The following SNTG1 variants were observed in gnomAD, a reference collection of about 807,000 sequenced individuals.
SNTG1 encodes the protein syntrophin gamma 1, also known as gamma-1-syntrophin.
Under a neutral mutation model 74.7 loss-of-function variants are expected in SNTG1, and 39 were observed. That is an observed-to-expected ratio of 0.52 (90% CI 0.40 to 0.68). The LOEUF (loss-of-function observed/expected upper bound fraction) is 0.68, where lower values mean the gene tolerates loss of function less well. Ranked by LOEUF, SNTG1 falls within the 30% of genes least tolerant of loss-of-function variation. The pLI is 0.00. For synonymous variants in SNTG1, 254 were observed against 217.1 expected (o/e 1.17, Z -1.49); for missense variants, 685 against 609.5 (o/e 1.12, Z -1.30).
intron 17 of SNTG1, among the ~76,000 whole-genome samples, chr8:50,728,198 G>T (rs141679917): frequency 6.6e-6 from 1 of 152,224 alleles, no homozygotes; most frequent in South Asian, 2.1e-4. Context: ...CACCTTGGGG[G>T]TGGTGTCCCC....
chr8:50,789,995 A>G (rs1035046743), intron 18 of SNTG1, among the ~76,000 whole-genome samples: 2 of 151,972 alleles, frequency 1.3e-5, no homozygotes, highest in Non-Finnish European at 2.9e-5. Context: ...CTTTAAAATT[A>G]TAATTCTTGT....
intron 1 of SNTG1, among the ~76,000 whole-genome samples, chr8:50,002,072 T>G (rs17685307): frequency 0.11 from 16,736 of 152,182 alleles, 1,107 homozygotes; most frequent in South Asian, 0.21. Flanking sequence ...CCACCAACAC[T>G]AGACATATTT....
intron 8 of SNTG1, among the ~76,000 whole-genome samples, chr8:50,493,455 T>C (rs2093876249): frequency 6.6e-6 from 1 of 152,146 alleles, no homozygotes; most frequent in Non-Finnish European, 1.5e-5. Context: ...CTATTTTCTT[T>C]TAAGGAGTAC....
chr8:50,050,047 G>C (rs530663575), intron 1 of SNTG1, among the ~76,000 whole-genome samples: 1 of 151,352 alleles, frequency 6.6e-6, no homozygotes, highest in South Asian at 2.1e-4. Context: ...CTTAGGAAAC[G>C]AGAAAAATAA....
chr8:50,496,727 A>G (rs528830614), intron 8 of SNTG1, among the ~76,000 whole-genome samples: 31 of 152,204 alleles, frequency 2.0e-4, no homozygotes, highest in African/African-American at 7.5e-4. Context: ...CCATTTATCA[A>G]CCCTCTTGCT....
intron 1 of SNTG1, among the ~76,000 whole-genome samples, chr8:50,166,071 T>A (rs1462947585): frequency 8.8e-6 from 1 of 114,106 alleles, no homozygotes; most frequent in East Asian, 2.5e-4. Context: ...TAGCCATATG[T>A]AGAAAGCTGA....
chr8:50,695,177 TA>T (rs577972438), intron 15 of SNTG1, among the ~76,000 whole-genome samples: 3 of 149,996 alleles, frequency 2.0e-5, no homozygotes, highest in Non-Finnish European at 4.5e-5. Flanking sequence ...ATCTTATATG[TA>T]AAAAAAAACC....
intron 2 of SNTG1, among the ~76,000 whole-genome samples, chr8:50,189,983 A>G (rs560317161): frequency 6.6e-6 from 1 of 152,134 alleles, no homozygotes; most frequent in Non-Finnish European, 1.5e-5. Flanking sequence ...ATGGGAAGAC[A>G]ATTGCTTGTG....
At chr8:50,689,032 A>T (rs1206529706) in intron 15 of SNTG1, among the ~76,000 whole-genome samples, 2 of 149,942 alleles carry the variant, frequency 1.3e-5, no homozygotes, top group Non-Finnish European at 3.0e-5. Context: ...GTGAATGGGA[A>T]TTCACTTATG....
chr8:50,311,032 C>T (rs1397963755), intron 2 of SNTG1, among the ~76,000 whole-genome samples: 1 of 152,194 alleles, frequency 6.6e-6, no homozygotes. Context: ...AAAATTAGGT[C>T]CTGACTTCTG....
chr8:50,222,948 G>A (rs192262672), intron 2 of SNTG1, among the ~76,000 whole-genome samples: 114 of 151,984 alleles, frequency 7.5e-4, no homozygotes, highest in African/African-American at 2.2e-3. Flanking sequence ...TAGGAGAAGG[G>A]GCAAGAAAAC....
At chr8:50,330,867 A>C (rs2090937346) in intron 2 of SNTG1, among the ~76,000 whole-genome samples, 2 of 152,152 alleles carry the variant, frequency 1.3e-5, no homozygotes, top group African/African-American at 4.8e-5. Context: ...CAAGAACAGA[A>C]TAGGAAAAAC....
intron 18 of SNTG1, among the ~76,000 whole-genome samples, chr8:50,755,937 T>G (rs1382685909): frequency 1.3e-5 from 2 of 151,788 alleles, no homozygotes; most frequent in East Asian, 3.9e-4. Context: ...TCTGGCCCAT[T>G]TTTAATATTT....
At chr8:50,548,776 A>C (rs1329910676) in intron 11 of SNTG1, among the ~76,000 whole-genome samples, 1 of 152,200 alleles carries the variant, frequency 6.6e-6, no homozygotes, top group Admixed American at 6.6e-5. Context: ...CATGGAATAG[A>C]TGGCACCTGA....
At chr8:50,203,215 G>A (rs1295760978) in intron 2 of SNTG1, among the ~76,000 whole-genome samples, 2 of 152,112 alleles carry the variant, frequency 1.3e-5, no homozygotes, top group African/African-American at 4.8e-5. Context: ...CTGTTTCAGA[G>A]TTTTTCAGTT....
intron 2 of SNTG1, among the ~76,000 whole-genome samples, chr8:50,376,750 T>TAGAGAGAGAGAGAGAGAG (rs1347321799): frequency 1.9e-5 from 2 of 102,780 alleles, no homozygotes; most frequent in Non-Finnish European, 2.2e-5. Context: ...TATATATATA[T>TAGAGAGAGAGAGAGAGAG]ATATATAGAG....
At chr8:50,366,723 G>T (rs1233288548) in intron 2 of SNTG1, among the ~76,000 whole-genome samples, 1 of 143,458 alleles carries the variant, frequency 7.0e-6, no homozygotes, top group East Asian at 2.0e-4. Context: ...CTTACTATTT[G>T]CATATATATG....
intron 1 of SNTG1, among the ~76,000 whole-genome samples, chr8:50,015,285 T>C (rs1202484772): frequency 6.6e-6 from 1 of 151,834 alleles, no homozygotes; most frequent in African/African-American, 2.4e-5. Context: ...AACAACAGAT[T>C]TGAATAGGAG....
chr8:50,455,345 G>A (rs547954566), intron 8 of SNTG1, among the ~76,000 whole-genome samples: 34 of 152,196 alleles, frequency 2.2e-4, no homozygotes, highest in African/African-American at 7.5e-4. Flanking sequence ...AAAAAAATAT[G>A]TTCATCTGCT....
Sources: gnomAD v4.1 joint callset for allele counts (sites outside exome capture counted in the v4.1 genomes callset) on GRCh38, gnomAD v4.1.1 for gene constraint, MANE v1.5 for transcripts, NCBI Gene and HGNC (gene_info 2026-07-23, HGNC 2026-07-21) for gene names.